The following GATM variants were observed in gnomAD, a reference collection of about 807,000 sequenced individuals.
The protein encoded by GATM is glycine amidinotransferase, also known as glycine amidinotransferase, mitochondrial.
A neutral mutation model predicts 54.2 loss-of-function variants in GATM; 23 were observed. That is an observed-to-expected ratio of 0.42 (90% CI 0.31 to 0.60). The LOEUF is 0.60. Among genes scored for constraint, GATM ranks in the 20% least tolerant of loss-of-function variants. The pLI is 0.14. For missense variants in GATM, 401 were observed against 544.9 expected (o/e 0.74, Z 2.63); for synonymous variants, 168 against 183.1 (o/e 0.92, Z 0.67).
intron 1 of GATM, among the ~76,000 whole-genome samples, chr15:45,399,869 T>C (rs191869430): frequency 0.023 from 3,456 of 152,298 alleles, 145 homozygotes; most frequent in African/African-American, 0.079. Flanking sequence ...AATTAACAAA[T>C]TTCTGGTCAG....
Position 45,368,233 on chromosome 15 carries a change from A to G in GATM, c.512T>C (p.Ile171Thr). ...TGLYSAMPRD[I>T]LIVVGNEIIE... ...AATCTCATTGCCCACAACTATCAGGATGTCTCGAGGCATTGCACTGTATAA... is the reference window on the plus strand; with the variant it reads ...AATCTCATTGCCCACAACTATCAGGGTGTCTCGAGGCATTGCACTGTATAA... Residue 171 changes from isoleucine to threonine, a missense_variant, in exon 4 of 9, where the codon ATC becomes ACC. Transcript: ENST00000396659. This position sits in a 1 kb window ranked among gnomAD's most constrained non-coding sequence, Gnocchi z 5.1. The G allele has an allele frequency of 6.2e-7, 1 of 1,614,038 alleles. No individual in the cohort carries two copies. Among genetic ancestry groups the G allele is most frequent in the Non-Finnish European group, 8.5e-7 (1 of 1,180,020 alleles).
At chr15:45,381,190 C>T (rs574509662), upstream of GATM, among the ~76,000 whole-genome samples, 85 of 151,934 alleles carry the variant, frequency 5.6e-4, no homozygotes, top group African/African-American at 2.0e-3. Flanking sequence ...CAGTAGATAC[C>T]ATTAAATACT....
intron 3 of GATM, among the ~76,000 whole-genome samples, chr15:45,394,496 G>C (rs957806783): frequency 6.6e-6 from 1 of 152,204 alleles, no homozygotes; most frequent in Non-Finnish European, 1.5e-5. Flanking sequence ...GTTACATGTT[G>C]AGGAAAACCA....
At chr15:45,383,538 T>C (rs1282278862), upstream of GATM, among the ~76,000 whole-genome samples, 1 of 152,192 alleles carries the variant, frequency 6.6e-6, no homozygotes, top group Non-Finnish European at 1.5e-5. Flanking sequence ...CACCATTCTC[T>C]TTCTTAAGGT....
intron 3 of GATM, chr15:45,396,300 T>G (rs1889929374): frequency 6.6e-6 from 1 of 152,206 alleles, no homozygotes; most frequent in East Asian, 1.9e-4. Flanking sequence ...GTTTGAAAGC[T>G]CTATAATTCA....
rs1595490184 is a variant in GATM, at chr15:45,392,366, C to A, written c.-319+4556G>T. On this transcript the variant is annotated intron_variant, in intron 3 of 4. Transcript: ENST00000561148. ...GTGGAAAACTTTCTGCATGTGTATGCACGTGCGTGTGCGTGCATGTGTGTG... is the reference window on the plus strand; with the variant it reads ...GTGGAAAACTTTCTGCATGTGTATGAACGTGCGTGTGCGTGCATGTGTGTG... Among the ~76,000 whole-genome samples, 3 of 152,216 alleles carry A rather than the reference C, an allele frequency of 2.0e-5. No individual in the cohort carries two copies. The South Asian group carries it at 6.2e-4, about 31-fold the overall frequency.
Position 45,369,487 on chromosome 15 carries a change from T to C in GATM, c.323A>G (p.Gln108Arg), listed in dbSNP as rs1398822076. ...NTYEKYWPFYQKQGGHYFPKD... is the reference protein window; with the variant it reads ...NTYEKYWPFYRKQGGHYFPKD... ...GGGAAAATAATGCCCTCCTTGCTTC[T>C]GGTAAAATGGCCAGTACTTTTCATA... The change falls in exon 3 of 9, where the codon CAG (glutamine) becomes CGG (arginine). Residue 108 changes from glutamine to arginine, a missense_variant. By Grantham distance (43) the Gln-to-Arg change is conservative. This residue lies in a region of GATM where 321 missense variants were observed against 457.5 expected (regional missense o/e 0.70). Coordinates refer to ENST00000396659, the MANE Select transcript of GATM (RefSeq NM_001482.3). The C allele has an allele frequency of 3.7e-6, 6 of 1,614,178 alleles. No homozygotes were observed. Among genetic ancestry groups the C allele is most frequent in the Non-Finnish European group, 5.1e-6 (6 of 1,180,016 alleles).
exon 1 of GATM, chr15:45,402,191 G>C: frequency 1.8e-6 from 1 of 546,692 alleles, no homozygotes; most frequent in Non-Finnish European, 3.1e-6. Context: ...ACCATCTCGG[G>C]AAAGCTCTGG....
At chr15:45,367,650 G>C (rs1889471490) in intron 4 of GATM, among the ~76,000 whole-genome samples, 1 of 152,144 alleles carries the variant, frequency 6.6e-6, no homozygotes, top group Admixed American at 6.5e-5. Flanking sequence ...CTGTGAATTT[G>C]AACTGTAGAT....
chr15:45,388,750 A>G (rs1187372539), intron 3 of GATM, among the ~76,000 whole-genome samples: 1 of 152,152 alleles, frequency 6.6e-6, no homozygotes, highest in African/African-American at 2.4e-5. Flanking sequence ...TAATATTCTC[A>G]TATCACTGAT....
intron 3 of GATM, among the ~76,000 whole-genome samples, chr15:45,388,898 G>T (rs1381510987): frequency 4.6e-5 from 7 of 152,144 alleles, no homozygotes; most frequent in African/African-American, 1.7e-4. Context: ...AGGAAGAGGG[G>T]TTTACATACA....
intron 8 of GATM, 45 bp downstream of exon 8, chr15:45,363,850 CTCATT>C (rs1465844878): frequency 7.3e-6 from 8 of 1,103,088 alleles, no homozygotes; most frequent in Non-Finnish European, 1.1e-5. Context: ...TTTAGTTCTT[CTCATT>C]TAACGTTTTC....
rs1380682430 is a variant in GATM, at chr15:45,363,915, T to C, written c.1144A>G (p.Met382Val). 1.2e-6 allele frequency: 2 copies of C among 1,605,912 alleles called. No individual in the cohort carries two copies. The highest frequency in any genetic ancestry group is 1.7e-6 in the Non-Finnish European group (2 of 1,172,856). Residue 382 changes from methionine (M) to valine (V), a missense_variant, in exon 8 of 9, where the codon ATG becomes GTG. Physicochemically the swap from Met to Val is conservative, Grantham distance 21. Coordinates refer to ENST00000396659, the MANE Select transcript of GATM (RefSeq NM_001482.3). ...VDANEVPIQK[M>V]FEKLGITTIK... Reference sequence around the variant, plus strand: ...TTGTACATACCCAGCTTTTCAAACATCTTTTGAATTGGAACTTCATTGGCA... The same window carrying C: ...TTGTACATACCCAGCTTTTCAAACACCTTTTGAATTGGAACTTCATTGGCA...
chr15:45,373,553 T>C (rs1889581044), intron 2 of GATM, among the ~76,000 whole-genome samples: 2 of 151,990 alleles, frequency 1.3e-5, no homozygotes, highest in Non-Finnish European at 2.9e-5. Context: ...ATATTTACTA[T>C]ATTTTGCAGA....
upstream of GATM, among the ~76,000 whole-genome samples, chr15:45,382,948 T>A (rs1021907666): frequency 1.2e-4 from 18 of 152,186 alleles, no homozygotes; most frequent in Non-Finnish European, 2.6e-4. Flanking sequence ...CTGATGGAAT[T>A]TACTTTCTAA....
chr15:45,372,730 C>A (rs189305148), intron 2 of GATM, among the ~76,000 whole-genome samples: 152 of 152,322 alleles, frequency 1.0e-3, no homozygotes, highest in African/African-American at 3.6e-3. Flanking sequence ...ATAAATTAAA[C>A]CTTCCTGGGA....
At chr15:45,383,066 A>T (rs1159273295), upstream of GATM, among the ~76,000 whole-genome samples, 1 of 152,014 alleles carries the variant, frequency 6.6e-6, no homozygotes, top group African/African-American at 2.4e-5. Context: ...TGTTTTACCC[A>T]CCAGTATATC....
At chr15:45,369,042 G>C (rs1166692654) in intron 3 of GATM, among the ~76,000 whole-genome samples, 1 of 152,168 alleles carries the variant, frequency 6.6e-6, no homozygotes, top group African/African-American at 2.4e-5. Context: ...TTCTGTTCTT[G>C]AGGAAAATTA....
intron 3 of GATM, among the ~76,000 whole-genome samples, chr15:45,387,366 G>T (rs1327281572): frequency 1.3e-5 from 2 of 152,088 alleles, no homozygotes; most frequent in Non-Finnish European, 2.9e-5. Context: ...AACAGCCAAT[G>T]AAGATAAATG....
Sources: allele counts gnomAD v4.1 joint callset (sites outside exome capture counted in the v4.1 genomes callset), GRCh38; gene constraint gnomAD v4.1.1; regional missense constraint gnomAD v4.1.1; non-coding constraint Gnocchi (gnomAD v3.1); transcripts MANE v1.5; gene names NCBI Gene and HGNC (gene_info 2026-07-23, HGNC 2026-07-21).